Variants in USP15 observed in about 807,000 individuals in gnomAD.
USP15 encodes ubiquitin specific peptidase 15, also known as ubiquitin carboxyl-terminal hydrolase 15.
A neutral mutation model predicts 127.1 loss-of-function variants in USP15; 18 were observed. The observed-to-expected ratio is 0.14, with a 90% confidence interval of 0.10 to 0.21. The LOEUF (loss-of-function observed/expected upper bound fraction) is 0.21, where lower values mean the gene tolerates loss of function less well. USP15 is among the 10% of genes least tolerant of loss of function. The pLI, the probability that USP15 is intolerant of heterozygous loss-of-function variation, is 1.00. For missense variants in USP15, 805 were observed against 1,159.9 expected, an observed-to-expected ratio of 0.69 and a Z score of 4.44; for synonymous variants, 364 against 393.7, an observed-to-expected ratio of 0.92 and a Z score of 0.89.
At chr12:62,329,168 T>G in intron 6 of USP15, among the ~76,000 whole-genome samples, 1 of 152,044 alleles carries the variant, frequency 6.6e-6, no homozygotes. Context: ...GGTCAGGAGT[T>G]CAAGACCAGC....
intron 2 of USP15, among the ~76,000 whole-genome samples, chr12:62,298,566 T>G (rs1019172760): frequency 3.9e-5 from 6 of 152,092 alleles, no homozygotes; most frequent in Non-Finnish European, 8.8e-5. Flanking sequence ...CTCAGGAGGC[T>G]GAGGCAGGAG....
chr12:62,261,552 C>T (rs2063058707), intron 1 of USP15, among the ~76,000 whole-genome samples: 1 of 152,164 alleles, frequency 6.6e-6, no homozygotes, highest in Non-Finnish European at 1.5e-5. Context: ...ACAGTTTCAC[C>T]ACTCAACTTG....
At chr12:62,332,129 A>C (rs984818941) in intron 6 of USP15, among the ~76,000 whole-genome samples, 1 of 151,436 alleles carries the variant, frequency 6.6e-6, no homozygotes, top group Non-Finnish European at 1.5e-5. Context: ...GCGCCAGTGC[A>C]CTCCACTTTG....
At chr12:62,346,203 G>A (rs2065813027) in intron 6 of USP15, among the ~76,000 whole-genome samples, 1 of 152,084 alleles carries the variant, frequency 6.6e-6, no homozygotes, top group Non-Finnish European at 1.5e-5. Context: ...AAACTTCCCA[G>A]TTTGTCAGAT....
rs746887509 is a variant in USP15, at chr12:62,331,119, T to C, written c.683+5186T>C. ...AGAAGACAACCCCTGGCCTTCAAGA[T>C]GGCATGAAAATGCTAGTTCTGATAT... On this transcript the variant is annotated intron_variant, in intron 6 of 21. Coordinates refer to ENST00000280377, the MANE Select transcript of USP15 (RefSeq NM_001252078.2). Among the ~76,000 whole-genome samples the C allele has an allele frequency of 3.3e-5, 5 of 152,264 alleles. No individual in the cohort carries two copies. In the South Asian group the frequency reaches 8.3e-4, roughly 25 times the overall value.
At chr12:62,330,053 TGAGATCTTTAA>T (rs1237161717) in intron 6 of USP15, among the ~76,000 whole-genome samples, 1 of 151,996 alleles carries the variant, frequency 6.6e-6, no homozygotes, top group Non-Finnish European at 1.5e-5. Context: ...GTAACAATGG[TGAGATCTTTAA>T]AACTAGATGA....
At chr12:62,356,394 C>G (rs1283947458) in intron 8 of USP15, among the ~76,000 whole-genome samples, 2 of 151,938 alleles carry the variant, frequency 1.3e-5, no homozygotes, top group Non-Finnish European at 2.9e-5. Flanking sequence ...AAGGATGACT[C>G]TTCACCATTC....
Position 62,411,389 on chromosome 12 carries a change from G to C in USP15, c.*7014G>C, listed in dbSNP as rs535394517. The C allele has an allele frequency of 4.6e-5, 7 of 152,118 alleles. No homozygotes were observed. Among genetic ancestry groups the C allele is most frequent in the Non-Finnish European group, 1.0e-4 (7 of 68,018 alleles). 9.4% of individuals were successfully genotyped at this position (152,118 alleles called of 1,614,324 possible). ...CATTCCTTCATCAAATATTTTTTGA[G>C]TGTCCACTATGTGCCAGGCACTATT... On this transcript the variant is annotated 3_prime_UTR_variant, in exon 22 of 22. Transcript: ENST00000280377.
chr12:62,345,045 G>A (rs983552002), intron 6 of USP15, among the ~76,000 whole-genome samples: 2 of 152,188 alleles, frequency 1.3e-5, no homozygotes, highest in Admixed American at 6.5e-5. Flanking sequence ...TTGTCTTGGG[G>A]ATTAACATTT....
chr12:62,278,702 A>C (rs958248874), intron 1 of USP15: 1 of 152,168 alleles, frequency 6.6e-6, no homozygotes. Context: ...ACTCATTAGA[A>C]ATTGAAAATA....
intron 8 of USP15, among the ~76,000 whole-genome samples, chr12:62,360,962 CAA>C (rs796917545): frequency 7.3e-6 from 1 of 137,890 alleles, no homozygotes; most frequent in East Asian, 2.1e-4. Flanking sequence ...TTGATAAAAG[CAA>C]AAAAAAAAAA....
chr12:62,385,751 G>A (rs914775058), intron 11 of USP15, among the ~76,000 whole-genome samples: 2 of 151,990 alleles, frequency 1.3e-5, no homozygotes, highest in East Asian at 3.9e-4. Flanking sequence ...TCTTTTCAAT[G>A]GTGAGAAACT....
chr12:62,332,170 A>G (rs1397829463), intron 6 of USP15, among the ~76,000 whole-genome samples: 1 of 140,292 alleles, frequency 7.1e-6, no homozygotes, highest in Admixed American at 7.0e-5. Context: ...TCTCAAAAAG[A>G]AAAAAAAAAA....
chr12:62,298,830 C>CAAAAA (rs1163091790), intron 2 of USP15, among the ~76,000 whole-genome samples: 57 of 64,978 alleles, frequency 8.8e-4, no homozygotes, highest in Middle Eastern at 0.01. Flanking sequence ...CCCTGTCTTG[C>CAAAAA]AAAAAAAAAA....
At chr12:62,282,361 T>C (rs1191576279) in intron 1 of USP15, among the ~76,000 whole-genome samples, 1 of 152,046 alleles carries the variant, frequency 6.6e-6, no homozygotes, top group Non-Finnish European at 1.5e-5. Flanking sequence ...GTTTAACTTA[T>C]AAATTAGCCA....
chr12:62,342,657 C>G (rs769436317), intron 6 of USP15, among the ~76,000 whole-genome samples: 5 of 152,136 alleles, frequency 3.3e-5, no homozygotes, highest in Non-Finnish European at 7.4e-5. Flanking sequence ...AGTCGGGCCC[C>G]TCTTCTGCAG....
At chr12:62,296,434 A>G (rs904024187) in intron 2 of USP15, among the ~76,000 whole-genome samples, 2 of 152,258 alleles carry the variant, frequency 1.3e-5, no homozygotes, top group South Asian at 2.1e-4. Context: ...AGCCGGAGAC[A>G]TTAAGTTTCA....
chr12:62,279,622 AAC>A (rs1205289965), intron 1 of USP15, among the ~76,000 whole-genome samples: 3 of 152,086 alleles, frequency 2.0e-5, no homozygotes, highest in Non-Finnish European at 2.9e-5. Flanking sequence ...CATCCTCACC[AAC>A]AGTTACCTTT....
intron 11 of USP15, among the ~76,000 whole-genome samples, chr12:62,387,028 T>C (rs931567085): frequency 5.3e-5 from 8 of 152,056 alleles, no homozygotes; most frequent in African/African-American, 1.9e-4. Flanking sequence ...GTGGAATATA[T>C]AGGAAGAACA....
Sources: allele counts gnomAD v4.1 joint callset (sites outside exome capture counted in the v4.1 genomes callset), GRCh38; gene constraint gnomAD v4.1.1; transcripts MANE v1.5; gene names NCBI Gene and HGNC (gene_info 2026-07-23, HGNC 2026-07-21).